EYS: variants seen among roughly 807,000 people sequenced by gnomAD.
The protein encoded by EYS is EGF-like photoreceptor maintenance factor, also known as protein eyes shut homolog.
Under a neutral mutation model 282.1 loss-of-function variants are expected in EYS, and 250 were observed. That is an observed-to-expected ratio of 0.89 (90% CI 0.80 to 0.98). The LOEUF (loss-of-function observed/expected upper bound fraction) is 0.98. Among genes scored for constraint, EYS ranks in the 50% least tolerant of loss-of-function variants. The pLI, the probability that EYS is intolerant of heterozygous loss-of-function variation, is 0.00. For synonymous variants in EYS, 1,355 were observed against 1,282.9 expected (o/e 1.06, Z -1.20); for missense variants, 4,016 against 3,709.0 (o/e 1.08, Z -2.15).
At chr6:64,943,235 C>T (rs1353147123) in intron 15 of EYS, among the ~76,000 whole-genome samples, 1 of 151,924 alleles carries the variant, frequency 6.6e-6, no homozygotes, top group Non-Finnish European at 1.5e-5. Flanking sequence ...ATGGTAAACC[C>T]ACAGCCAACA....
chr6:64,148,025 C>A (rs900207868), intron 31 of EYS, among the ~76,000 whole-genome samples: 3 of 152,134 alleles, frequency 2.0e-5, no homozygotes, highest in Admixed American at 1.3e-4. Context: ...CTTCAAAGAT[C>A]ATCTGTTCTC....
intron 22 of EYS, among the ~76,000 whole-genome samples, chr6:64,731,790 A>G (rs187084811): frequency 5.1e-4 from 78 of 152,334 alleles, no homozygotes; most frequent in African/African-American, 1.7e-3. Context: ...ATACCATTTG[A>G]TCCAGCAATC....
At chr6:64,796,950 G>T (rs555408483) in intron 22 of EYS, among the ~76,000 whole-genome samples, 130 of 152,180 alleles carry the variant, frequency 8.5e-4, no homozygotes, top group Middle Eastern at 3.4e-3. Context: ...CCGGCGGGTG[G>T]TGAAGGGAAA....
chr6:63,903,201 T>C (rs1773699176), intron 35 of EYS, among the ~76,000 whole-genome samples: 1 of 152,040 alleles, frequency 6.6e-6, no homozygotes, highest in East Asian at 1.9e-4. Flanking sequence ...AACATATTGA[T>C]CAAATATGGA....
chr6:65,266,956 GCA>G (rs1400147751), intron 12 of EYS, among the ~76,000 whole-genome samples: 3 of 116,732 alleles, frequency 2.6e-5, no homozygotes, highest in East Asian at 2.3e-4. Flanking sequence ...ATATATATAT[GCA>G]CACACACACA....
chr6:65,254,526 TA>T, intron 12 of EYS, among the ~76,000 whole-genome samples: 1 of 151,824 alleles, frequency 6.6e-6, no homozygotes, highest in Non-Finnish European at 1.5e-5. Flanking sequence ...TTCAGTACAA[TA>T]AAAAATTGAT....
chr6:65,119,133 G>A (rs1365375062), intron 12 of EYS, among the ~76,000 whole-genome samples: 3 of 152,074 alleles, frequency 2.0e-5, no homozygotes, highest in Non-Finnish European at 4.4e-5. Flanking sequence ...ATTATTTCTA[G>A]AAGAACTAGT....
At chr6:64,291,634 G>T (rs1768709911) in intron 30 of EYS, among the ~76,000 whole-genome samples, 1 of 151,986 alleles carries the variant, frequency 6.6e-6, no homozygotes, top group Non-Finnish European at 1.5e-5. Context: ...AAATTAAAAA[G>T]TCAAATTGGA....
chr6:65,340,763 A>C (rs1183847463), intron 10 of EYS, among the ~76,000 whole-genome samples: 1 of 151,170 alleles, frequency 6.6e-6, no homozygotes. Flanking sequence ...TTATTGAAAG[A>C]AGTCTAAAAT....
chr6:63,957,212 A>G (rs1171022072), intron 35 of EYS, among the ~76,000 whole-genome samples: 1 of 141,806 alleles, frequency 7.1e-6, no homozygotes, highest in East Asian at 2.0e-4. Flanking sequence ...TTTATGGGCT[A>G]TTTTAAACAG....
rs571859608 is a variant in EYS at position 65,015,862 on chromosome 6, G to A, written c.2138-18159C>T. On this transcript the variant is annotated intron_variant, in intron 13 of 42. Transcript: ENST00000503581. ...ATCCTGGCCAACATGGTGAAACCTC[G>A]TCTCTACTAAAAAAAAAAAAAAAAA... 9.0e-3 allele frequency among the ~76,000 whole-genome samples: 842 copies of A among 93,696 alleles called. 9 individuals carry two copies. The highest frequency in any genetic ancestry group is 0.025 in the Middle Eastern group (3 of 120). 61.5% of individuals were successfully genotyped at this position (93,696 alleles called of 152,430 possible).
At chr6:65,225,796 C>T (rs1322842455) in intron 12 of EYS, among the ~76,000 whole-genome samples, 2 of 149,712 alleles carry the variant, frequency 1.3e-5, no homozygotes, top group African/African-American at 4.9e-5. Flanking sequence ...ACATGATCAA[C>T]TCAATTGATG....
chr6:64,882,094 AC>A (rs1354913836), intron 19 of EYS, among the ~76,000 whole-genome samples: 6 of 151,784 alleles, frequency 4.0e-5, no homozygotes, highest in Non-Finnish European at 8.9e-5. Context: ...GACAGCTTGG[AC>A]ATAGTAAGCA....
At chr6:65,443,868 A>G (rs1227534415) in intron 5 of EYS, among the ~76,000 whole-genome samples, 1 of 151,938 alleles carries the variant, frequency 6.6e-6, no homozygotes, top group Non-Finnish European at 1.5e-5. Context: ...AAATTAAATG[A>G]AAAAAATCTA....
intron 26 of EYS, among the ~76,000 whole-genome samples, chr6:64,506,874 A>C (rs1034661855): frequency 1.5e-5 from 2 of 136,388 alleles, no homozygotes; most frequent in Admixed American, 1.6e-4. Flanking sequence ...GCGCCGCTGC[A>C]CTCCAACCTG....
intron 26 of EYS, among the ~76,000 whole-genome samples, chr6:64,551,116 G>A (rs554852228): frequency 6.8e-5 from 10 of 146,346 alleles, no homozygotes; most frequent in South Asian, 6.5e-4. Flanking sequence ...ATATACACAC[G>A]CATATATACA....
chr6:65,293,952 G>A (rs1019964366), intron 12 of EYS, among the ~76,000 whole-genome samples: 1 of 151,834 alleles, frequency 6.6e-6, no homozygotes, highest in African/African-American at 2.4e-5. Context: ...AATGCCTTCA[G>A]AAAGCACATG....
chr6:64,288,950 T>G lies in EYS; in HGVS notation c.6191+18020A>C, dbSNP rs375799807. Reference sequence around the variant, plus strand: ...CTTCAGGCACTCATTTTTTTCTTATTCAAAAAACCTCCTATCTGGTTTTCC... The same window carrying G: ...CTTCAGGCACTCATTTTTTTCTTATGCAAAAAACCTCCTATCTGGTTTTCC... On this transcript the variant is annotated intron_variant, in intron 30 of 42. Transcript: ENST00000503581. Among the ~76,000 whole-genome samples, 11 of 152,062 alleles carry G rather than the reference T, an allele frequency of 7.2e-5. No individual in the cohort carries two copies. The East Asian group carries it at 7.7e-4, about 11-fold the overall frequency.
At chr6:65,094,774 A>C (rs1774690501) in intron 12 of EYS, among the ~76,000 whole-genome samples, 1 of 151,368 alleles carries the variant, frequency 6.6e-6, no homozygotes, top group Non-Finnish European at 1.5e-5. Flanking sequence ...CTATAAAAGA[A>C]GAAAGATCTT....
Sources: gnomAD v4.1 joint callset for allele counts (sites outside exome capture counted in the v4.1 genomes callset) on GRCh38, gnomAD v4.1.1 for gene constraint, MANE v1.5 for transcripts, NCBI Gene and HGNC (gene_info 2026-07-23, HGNC 2026-07-21) for gene names.